Variants in CADPS2 observed in about 807,000 individuals in gnomAD.
CADPS2 encodes the protein calcium dependent secretion activator 2, also known as calcium-dependent secretion activator 2.
Under a neutral mutation model 172.5 loss-of-function variants are expected in CADPS2, and 93 were observed. The observed-to-expected ratio is 0.54, with a 90% CI of 0.46 to 0.64. CADPS2 has a LOEUF of 0.64. CADPS2 is among the 30% of genes least tolerant of loss of function. The pLI is 0.00. For missense variants in CADPS2, 1,420 were observed against 1,565.9 expected (o/e 0.91, Z 1.57); for synonymous variants, 546 against 555.2 (o/e 0.98, Z 0.23).
chr7:122,869,810 A>G (rs1265010288), intron 1 of CADPS2, among the ~76,000 whole-genome samples: 3 of 152,148 alleles, frequency 2.0e-5, no homozygotes, highest in Admixed American at 2.0e-4. Flanking sequence ...AAAATATGTC[A>G]TGAATAATAA....
intron 1 of CADPS2, among the ~76,000 whole-genome samples, chr7:122,803,974 GAAA>G (rs869246600): frequency 1.2e-5 from 1 of 85,120 alleles, no homozygotes. Flanking sequence ...GGCTTGAATG[GAAA>G]AAAAAAAAAA....
At chr7:122,443,617 T>C (rs981890658) in intron 15 of CADPS2, among the ~76,000 whole-genome samples, 1 of 145,718 alleles carries the variant, frequency 6.9e-6, no homozygotes, top group African/African-American at 2.5e-5. Context: ...AAGTGATATA[T>C]ACACATAGTT....
chr7:122,390,385 T>A (rs116333853), intron 22 of CADPS2, among the ~76,000 whole-genome samples: 1,935 of 152,178 alleles, frequency 0.013, 35 homozygotes, highest in African/African-American at 0.044. Flanking sequence ...GCTTGGTAGA[T>A]TAGAGGAACT....
chr7:122,441,667 G>C, intron 15 of CADPS2, 92 bp from the exon 16 acceptor site: 1 of 749,526 alleles, frequency 1.3e-6, no homozygotes, highest in Non-Finnish European at 2.1e-6. Context: ...CATTAATGAA[G>C]AACCATGAAA....
At chr7:122,589,965 A>C (rs2070495164) in intron 6 of CADPS2, among the ~76,000 whole-genome samples, 2 of 151,892 alleles carry the variant, frequency 1.3e-5, no homozygotes, top group South Asian at 4.1e-4. Flanking sequence ...GAATTTTGAA[A>C]AATGCATGCA....
intron 1 of CADPS2, among the ~76,000 whole-genome samples, chr7:122,811,942 C>T (rs1193062773): frequency 1.3e-5 from 2 of 151,938 alleles, no homozygotes; most frequent in African/African-American, 4.8e-5. Context: ...TTTAATTATC[C>T]ACTCAATCAC....
chr7:122,559,048 T>C (rs557918242), intron 7 of CADPS2, among the ~76,000 whole-genome samples: 1 of 152,258 alleles, frequency 6.6e-6, no homozygotes, highest in Admixed American at 6.5e-5. Flanking sequence ...AATTGCACCA[T>C]ATCTTATGGC....
chr7:122,813,499 T>C lies in CADPS2; in HGVS notation c.339+72500A>G, dbSNP rs368685078. 1.7e-4 allele frequency among the ~76,000 whole-genome samples: 26 copies of C among 152,262 alleles called. No individual in the cohort carries two copies. The East Asian group carries it at 5.0e-3, about 29-fold the overall frequency. On this transcript the variant is annotated intron_variant, in intron 1 of 29. Transcript: ENST00000449022. ...CATCAACGGAGTGTTTATAGTTCTCTAGTCAAAAACCATTCAAAACTACTG... is the reference window on the plus strand; with the variant it reads ...CATCAACGGAGTGTTTATAGTTCTCCAGTCAAAAACCATTCAAAACTACTG...
In CADPS2 at chr7:122,425,763, G is replaced by C. The variant is rs551004878; in HGVS notation, c.2477-9599C>G. On this transcript the variant is annotated intron_variant, in intron 17 of 29. Transcript: ENST00000449022. ...TTTTTCTAAATATTATTCAAATTCA[G>C]AAACTGAAAATCAAATACTGAATCA... Among the ~76,000 whole-genome samples the C allele has an allele frequency of 9.9e-5, 15 of 152,126 alleles. No individual in the cohort carries two copies. In the East Asian group the frequency reaches 2.7e-3, roughly 27 times the overall value.
intron 2 of CADPS2, among the ~76,000 whole-genome samples, chr7:122,718,406 A>G (rs73220296): frequency 0.15 from 22,712 of 152,010 alleles, 1,769 homozygotes; most frequent in Non-Finnish European, 0.16. Flanking sequence ...AGAAGTAGAA[A>G]GAGGGAGGAA....
At chr7:122,467,020 T>C (rs2055235561) in intron 14 of CADPS2, among the ~76,000 whole-genome samples, 1 of 152,176 alleles carries the variant, frequency 6.6e-6, no homozygotes, top group Non-Finnish European at 1.5e-5. Flanking sequence ...GCTAGGAAAG[T>C]CTGCTTAAGG....
At chr7:122,680,092 G>T (rs1286329991) in intron 2 of CADPS2, among the ~76,000 whole-genome samples, 1 of 152,136 alleles carries the variant, frequency 6.6e-6, no homozygotes, top group Non-Finnish European at 1.5e-5. Flanking sequence ...CTTTGCAAAG[G>T]CAGTTTTATT....
At chr7:122,506,309 C>A (rs1786440998) in intron 9 of CADPS2, among the ~76,000 whole-genome samples, 1 of 152,138 alleles carries the variant, frequency 6.6e-6, no homozygotes, top group African/African-American at 2.4e-5. Context: ...CATTCAATAT[C>A]TTTTACCCAA....
Position 122,862,461 on chromosome 7 carries a change from C to T in CADPS2, c.339+23538G>A, listed in dbSNP as rs1817194423. ...CTTGCCACAGAAGGTGGGACAGTGACCAGAGGCCTCACTAAAAACCACAGC... is the reference window on the plus strand; with the variant it reads ...CTTGCCACAGAAGGTGGGACAGTGATCAGAGGCCTCACTAAAAACCACAGC... On this transcript the variant is annotated intron_variant, in intron 1 of 29. Transcript: ENST00000449022. 7.2e-5 allele frequency among the ~76,000 whole-genome samples: 11 copies of T among 152,260 alleles called. No homozygotes were observed. The South Asian group carries it at 2.3e-3, about 32-fold the overall frequency.
At chr7:122,398,575 T>C (rs962686020) in intron 20 of CADPS2, among the ~76,000 whole-genome samples, 6 of 152,150 alleles carry the variant, frequency 3.9e-5, no homozygotes, top group African/African-American at 1.4e-4. Context: ...CCCTGAGCAA[T>C]GCAAGCACAG....
intron 2 of CADPS2, chr7:122,698,009 A>G: frequency 6.2e-7 from 1 of 1,613,496 alleles, no homozygotes; most frequent in East Asian, 2.2e-5. Flanking sequence ...TGAATCCCCA[A>G]AACTTTAAGA....
intron 28 of CADPS2, chr7:122,338,990 C>A (rs1012736351): frequency 6.7e-6 from 1 of 149,092 alleles, no homozygotes; most frequent in African/African-American, 2.5e-5. Context: ...TTCTTGAACT[C>A]CTAGATGTAA....
intron 1 of CADPS2, among the ~76,000 whole-genome samples, chr7:122,786,279 A>G (rs1794022159): frequency 6.6e-6 from 1 of 152,240 alleles, no homozygotes; most frequent in South Asian, 2.1e-4. Context: ...CCTCATAATG[A>G]GCATTAGAAT....
intron 1 of CADPS2, among the ~76,000 whole-genome samples, chr7:122,812,063 T>G (rs988680901): frequency 6.6e-6 from 1 of 152,042 alleles, no homozygotes; most frequent in African/African-American, 2.4e-5. Flanking sequence ...TTCATAGAAC[T>G]TAGCAGATAG....
Sources: allele counts gnomAD v4.1 joint callset (sites outside exome capture counted in the v4.1 genomes callset), GRCh38; gene constraint gnomAD v4.1.1; transcripts MANE v1.5; gene names NCBI Gene and HGNC (gene_info 2026-07-23, HGNC 2026-07-21).